HSPA14: variants seen among roughly 807,000 people sequenced by gnomAD.
HSPA14 encodes the protein heat shock 70 kDa protein 14.
Under a neutral mutation model 65.5 loss-of-function variants are expected in HSPA14, and 37 were observed. The ratio of observed to expected loss-of-function variants is 0.56; its 90% confidence interval spans 0.43 to 0.74. HSPA14 has a LOEUF of 0.74. Ranked by LOEUF, HSPA14 falls within the 30% of genes least tolerant of loss-of-function variation. HSPA14 has a pLI of 0.00. For missense variants in HSPA14, 564 were observed against 607.6 expected (o/e 0.93, Z 0.75); for synonymous variants, 203 against 214.2 (o/e 0.95, Z 0.46).
chr10:14,838,462 G>A lies in HSPA14; in HGVS notation c.57+3G>A, dbSNP rs1390288516. The stretch of plus-strand genomic sequence containing the variant: ...CAGCCTGTGTGGCCGTCTATAAGGT[G>A]AGGGGCTGCGGAGCTGGGCTAGGGC... On this transcript the variant is annotated splice_donor_region_variant and intron_variant, in intron 1 of 13. Transcript: ENST00000378372. The A allele has an allele frequency of 6.2e-7, 1 of 1,602,526 alleles. No homozygotes were observed. The highest frequency in any genetic ancestry group is 1.1e-5 in the South Asian group (1 of 89,296).
At chr10:14,863,346 G>T (rs1268491540) in intron 10 of HSPA14, among the ~76,000 whole-genome samples, 1 of 152,130 alleles carries the variant, frequency 6.6e-6, no homozygotes, top group East Asian at 1.9e-4. Flanking sequence ...GCTGGCATTG[G>T]TCTTAAAGGA....
At chr10:14,838,551 C>A in intron 1 of HSPA14, 92 bp downstream of exon 1, 1 of 1,285,354 alleles carries the variant, frequency 7.8e-7, no homozygotes, top group South Asian at 1.4e-5. Context: ...GGCGTGTCGC[C>A]GGCCTAGGGA....
chr10:14,870,212 T>TC (rs991464520), intron 12 of HSPA14, among the ~76,000 whole-genome samples: 13 of 152,288 alleles, frequency 8.5e-5, no homozygotes, highest in Admixed American at 8.5e-4. Flanking sequence ...ATTTTTTTTT[T>TC]TTAAGTATAT....
intron 10 of HSPA14, among the ~76,000 whole-genome samples, 195 bp from the exon 11 acceptor site, chr10:14,866,888 T>C (rs1832811254): frequency 6.6e-6 from 1 of 152,214 alleles, no homozygotes; most frequent in African/African-American, 2.4e-5. Context: ...ATAAAGAATA[T>C]GTTAAATATC....
At chr10:14,846,586 C>A in intron 3 of HSPA14, 1 of 979,394 alleles carries the variant, frequency 1.0e-6, no homozygotes, top group Non-Finnish European at 1.2e-6. Context: ...CTTGAACCCC[C>A]TTAGAAAAGC....
intron 3 of HSPA14, chr10:14,846,834 A>C (rs1219878562): frequency 1.0e-6 from 1 of 985,286 alleles, no homozygotes; most frequent in East Asian, 1.1e-4. Flanking sequence ...AGGAGGAGGA[A>C]GAGAAGATGG....
intron 9 of HSPA14, among the ~76,000 whole-genome samples, chr10:14,855,563 A>G (rs1424595424): frequency 6.6e-6 from 1 of 152,186 alleles, no homozygotes; most frequent in African/African-American, 2.4e-5. Context: ...TTATAAGTAG[A>G]CCATAAGCAA....
chr10:14,852,059 TCA>T (rs1176747891), intron 7 of HSPA14, among the ~76,000 whole-genome samples: 1 of 152,240 alleles, frequency 6.6e-6, no homozygotes, highest in African/African-American at 2.4e-5. Context: ...ATTTCTATGT[TCA>T]GTTCTCTTAA....
chr10:14,857,498 C>G (rs1832712465), intron 10 of HSPA14, among the ~76,000 whole-genome samples: 1 of 152,082 alleles, frequency 6.6e-6, no homozygotes, highest in East Asian at 1.9e-4. Context: ...CTTTATATTT[C>G]ATTGGTTACT....
intron 12 of HSPA14, among the ~76,000 whole-genome samples, 178 bp downstream of exon 12, chr10:14,868,087 G>C (rs1832822649): frequency 6.6e-6 from 1 of 152,102 alleles, no homozygotes; most frequent in South Asian, 2.1e-4. Flanking sequence ...TTTTGAAAGA[G>C]GGAAAAAATA....
At chr10:14,853,886 AT>A (rs938588362) in intron 8 of HSPA14, among the ~76,000 whole-genome samples, 2 of 151,888 alleles carry the variant, frequency 1.3e-5, no homozygotes, top group Non-Finnish European at 2.9e-5. Flanking sequence ...CACCCAGCTA[AT>A]TTTGTATTTT....
chr10:14,854,104 A>G, intron 8 of HSPA14, 21 bp from the exon 9 acceptor site: 1 of 1,573,954 alleles, frequency 6.4e-7, no homozygotes, highest in Non-Finnish European at 8.6e-7. Context: ...TTAAACCCCA[A>G]AGGCTATGTT....
chr10:14,845,121 C>T, intron 3 of HSPA14: 1 of 985,444 alleles, frequency 1.0e-6, no homozygotes, highest in Non-Finnish European at 1.2e-6. Flanking sequence ...GCCTCCTCCA[C>T]ACCCCAGACA....
intron 3 of HSPA14, among the ~76,000 whole-genome samples, chr10:14,840,775 C>T (rs990658261): frequency 1.3e-5 from 2 of 152,220 alleles, no homozygotes; most frequent in Admixed American, 1.3e-4. Flanking sequence ...ATTTTCACTA[C>T]TGTAGTAATA....
chr10:14,843,771 G>A, intron 3 of HSPA14: 1 of 1,536,368 alleles, frequency 6.5e-7, no homozygotes, highest in Non-Finnish European at 8.7e-7. Flanking sequence ...CTGCCAATGA[G>A]CTCCGCAGGG....
chr10:14,861,491 T>G (rs889914946), intron 10 of HSPA14, among the ~76,000 whole-genome samples: 3 of 152,050 alleles, frequency 2.0e-5, no homozygotes, highest in Non-Finnish European at 4.4e-5. Flanking sequence ...TTGTATTTTT[T>G]GTAGAGATGG....
rs1234155434 is a variant in HSPA14, at chr10:14,842,888, G to T, written c.221+2731G>T. The T allele has an allele frequency of 9.6e-6, 13 of 1,353,068 alleles. No homozygotes were observed. Among genetic ancestry groups the T allele is most frequent in the African/African-American group, 1.5e-5 (1 of 68,562 alleles). 83.8% of individuals were successfully genotyped at this position (1,353,068 alleles called of 1,614,324 possible). A position where few individuals can be genotyped will look rare whatever the true frequency, so the allele number is the denominator to read the frequency against. ...TGAAGGAGTTGGGTCCCAGAGTCTT[G>T]TGGCTCTAAACATTTAGCTGTGTCT... On this transcript the variant is annotated intron_variant, in intron 3 of 13. Coordinates refer to ENST00000378372, the MANE Select transcript of HSPA14 (RefSeq NM_016299.4). This position sits in a 1 kb window ranked among gnomAD's most constrained non-coding sequence, Gnocchi z 5.2.
chr10:14,848,687 T>A, intron 4 of HSPA14, 30 bp downstream of exon 4: 1 of 1,564,516 alleles, frequency 6.4e-7, no homozygotes, highest in Non-Finnish European at 8.8e-7. Flanking sequence ...TGCTTCCCTG[T>A]TACATAGAGT....
chr10:14,838,558 G>A (rs1588802629), intron 1 of HSPA14, 99 bp downstream of exon 1: 6 of 1,214,334 alleles, frequency 4.9e-6, no homozygotes, highest in East Asian at 5.3e-5. Flanking sequence ...CGCCGGCCTA[G>A]GGATGTCGTG....
Sources: allele counts gnomAD v4.1 joint callset (sites outside exome capture counted in the v4.1 genomes callset), GRCh38; gene constraint gnomAD v4.1.1; non-coding constraint Gnocchi (gnomAD v3.1); transcripts MANE v1.5; gene names NCBI Gene and HGNC (gene_info 2026-07-23, HGNC 2026-07-21).